Variants in ATP2A1 observed in about 807,000 individuals in gnomAD.
ATP2A1 encodes the protein ATPase sarcoplasmic/endoplasmic reticulum Ca2+ transporting 1, also known as sarcoplasmic/endoplasmic reticulum calcium ATPase 1.
Under a neutral mutation model 109.5 loss-of-function variants are expected in ATP2A1, and 83 were observed. The ratio of observed to expected loss-of-function variants is 0.76; its 90% CI spans 0.63 to 0.91. ATP2A1 has a LOEUF of 0.91. Ranked by LOEUF, ATP2A1 falls within the 40% of genes least tolerant of loss-of-function variation. ATP2A1 has a pLI of 0.00. For synonymous variants in ATP2A1, 505 were observed against 537.6 expected (o/e 0.94, Z 0.84); for missense variants, 1,101 against 1,341.0 (o/e 0.82, Z 2.80).
intron 3 of ATP2A1, 99 bp downstream of exon 3, chr16:28,879,682 G>A (rs879300947): frequency 1.5e-4 from 201 of 1,363,236 alleles, no homozygotes; most frequent in Non-Finnish European, 1.9e-4. Flanking sequence ...TCCGAGTCCC[G>A]AGCATCCCAT....
chr16:28,898,396 C>A lies in ATP2A1; in HGVS notation c.1709C>A (p.Pro570His). The change falls in exon 14 of 23, where the codon CCC (proline) becomes CAC (histidine). Residue 570 changes from proline to histidine, a missense_variant. By Grantham distance (77) the Pro-to-His change is moderately conservative. Coordinates refer to ENST00000395503, the MANE Select transcript of ATP2A1 (RefSeq NM_004320.6). The surrounding 1 kb of genome is among the most constrained non-coding windows in gnomAD (Gnocchi z 4.0). ...TTGGCCCTGGCCACCCGGGACACCC[C>A]CCCGAAGCGAGAGGAAATGGTCCTG... ...RCLALATRDTPPKREEMVLDD... is the reference protein window; with the variant it reads ...RCLALATRDTHPKREEMVLDD... The A allele has an allele frequency of 6.2e-7, 1 of 1,614,194 alleles. No homozygotes were observed. The highest frequency in any genetic ancestry group is 8.5e-7 in the Non-Finnish European group (1 of 1,180,040).
At chr16:28,894,430 C>T in intron 10 of ATP2A1, 75 bp from the exon 11 acceptor site, 5 of 1,448,366 alleles carry the variant, frequency 3.5e-6, no homozygotes, top group Non-Finnish European at 4.8e-6. Context: ...CCTGCTCTTC[C>T]TGTGCCCTCT....
chr16:28,898,686 T>C lies in ATP2A1; in HGVS notation c.1764+235T>C, dbSNP rs1484874732. On this transcript the variant is annotated intron_variant, in intron 14 of 22. Transcript: ENST00000395503. The surrounding 1 kb of genome is among the most constrained non-coding windows in gnomAD (Gnocchi z 4.0). ...TGGGAAGCTGAGATGGGAAAAGCGC[T>C]TGAGCCCAGGAGTTCAAGACCAGCC... Among the ~76,000 whole-genome samples the C allele has an allele frequency of 6.6e-6, 1 of 152,030 alleles. No homozygotes were observed. Among genetic ancestry groups the C allele is most frequent in the Non-Finnish European group, 1.5e-5 (1 of 68,010 alleles).
Position 28,903,033 on chromosome 16 carries a change from G to A in ATP2A1, c.2748G>A (p.Leu916=), listed in dbSNP as rs750480672. 4.3e-6 allele frequency: 7 copies of A among 1,613,652 alleles called. No homozygotes were observed. The East Asian group carries it at 1.6e-4, about 36-fold the overall frequency. Reference sequence around the variant, plus strand: ...TCCCTCCCCTTCCCCTCTGCAGCCTGTCCGAGAACCAGTCCCTGCTGCGGA... The same window carrying A: ...TCCCTCCCCTTCCCCTCTGCAGCCTATCCGAGAACCAGTCCCTGCTGCGGA... ...TIEMCNALNS[L]SENQSLLRMP... is the part of the protein sequence containing the mutation. The change falls in exon 20 of 23, where the codon CTG becomes CTA. Residue 916 remains leucine, a synonymous_variant. Transcript: ENST00000395503. This position sits in a 1 kb window ranked among gnomAD's most constrained non-coding sequence, Gnocchi z 5.6.
chr16:28,899,303 A>G (rs1375579029), intron 14 of ATP2A1, among the ~76,000 whole-genome samples: 1 of 152,214 alleles, frequency 6.6e-6, no homozygotes, highest in Non-Finnish European at 1.5e-5. Flanking sequence ...CACTGCCAAA[A>G]GCAGAAAGCA....
chr16:28,879,986 T>G, intron 3 of ATP2A1: 69 of 611,602 alleles, frequency 1.1e-4, no homozygotes, highest in Middle Eastern at 7.9e-4. Context: ...TCGGCGCCCC[T>G]GCCCCGCCCT....
chr16:28,878,866 G>C, intron 1 of ATP2A1, 77 bp downstream of exon 1: 1 of 1,487,030 alleles, frequency 6.7e-7, no homozygotes, highest in Non-Finnish European at 9.4e-7. Flanking sequence ...GCATGCACGC[G>C]TTTCTCCCTT....
intron 3 of ATP2A1, chr16:28,879,898 G>A (rs1483198502): frequency 5.4e-6 from 4 of 736,568 alleles, no homozygotes; most frequent in Non-Finnish European, 7.0e-6. Context: ...CCGCCGCGAT[G>A]CCGGCTGCGG....
chr16:28,904,112 A>G, intron 22 of ATP2A1, 68 bp from the exon 23 acceptor site: 1 of 1,403,420 alleles, frequency 7.1e-7, no homozygotes, highest in African/African-American at 1.4e-5. Flanking sequence ...CGTGCCTGGG[A>G]GATGCACCTG....
Position 28,898,114 on chromosome 16 carries a change from A to T in ATP2A1, c.1534A>T (p.Met512Leu). Reference sequence around the variant, plus strand: ...TTCCCGGGCTGCTGTGGGCAACAAGATGTTTGTCAAGGTCAGAAATCGGAA... The same window carrying T: ...TTCCCGGGCTGCTGTGGGCAACAAGTTGTTTGTCAAGGTCAGAAATCGGAA... ...KSSRAAVGNK[M>L]FVKGAPEGVI... is the part of the protein sequence containing the mutation. The change falls in exon 13 of 23, where the codon ATG (methionine) becomes TTG (leucine). Residue 512 changes from methionine (M) to leucine (L), a missense_variant. Coordinates refer to ENST00000395503, the MANE Select transcript of ATP2A1 (RefSeq NM_004320.6). This position sits in a 1 kb window ranked among gnomAD's most constrained non-coding sequence, Gnocchi z 4.0. 1.2e-6 allele frequency: 2 copies of T among 1,614,090 alleles called. No homozygotes were observed. Among genetic ancestry groups the T allele is most frequent in the Non-Finnish European group, 1.7e-6 (2 of 1,180,010 alleles).
chr16:28,901,825 T>C (rs931225317), intron 15 of ATP2A1, 38 bp from the exon 16 acceptor site: 2 of 1,552,176 alleles, frequency 1.3e-6, no homozygotes, highest in Admixed American at 1.7e-5. Flanking sequence ...GAGGGATGTG[T>C]GAAGGTGCCC....
chr16:28,887,343 C>T (rs933888174), intron 7 of ATP2A1, 69 bp downstream of exon 7: 6 of 1,611,566 alleles, frequency 3.7e-6, no homozygotes, highest in South Asian at 1.1e-5. Flanking sequence ...AGAAACATGG[C>T]GTGTGAGAAG....
chr16:28,894,061 G>A, intron 9 of ATP2A1, 94 bp from the exon 10 acceptor site: 2 of 1,019,372 alleles, frequency 2.0e-6, no homozygotes, highest in South Asian at 1.3e-5. Flanking sequence ...TGGTGGGAAG[G>A]TAGGTGTTGG....
At chr16:28,893,662 T>G (rs867843757) in intron 9 of ATP2A1, among the ~76,000 whole-genome samples, 1,672 of 150,522 alleles carry the variant, frequency 0.011, 28 homozygotes, top group African/African-American at 0.038. Flanking sequence ...TTTGTTTTTT[T>G]TTTTTTTTTT....
intron 5 of ATP2A1, among the ~76,000 whole-genome samples, chr16:28,882,872 C>T (rs1214274567): frequency 2.0e-5 from 3 of 152,216 alleles, no homozygotes; most frequent in East Asian, 3.9e-4. Flanking sequence ...AGGTGGAACC[C>T]GGTCCCTGCC....
At position 28,887,470 on chromosome 16, in the gene ATP2A1, A is replaced by G; in HGVS notation, c.676A>G (p.Thr226Ala). The G allele has an allele frequency of 6.2e-7, 1 of 1,613,856 alleles. No individual in the cohort carries two copies. Among genetic ancestry groups the G allele is most frequent in the Non-Finnish European group, 8.5e-7 (1 of 1,179,928 alleles). The change falls in exon 8 of 23, where the codon ACT (threonine) becomes GCT (alanine). Residue 226 changes from threonine to alanine, a missense_variant. Physicochemically the swap from Thr to Ala is moderately conservative, Grantham distance 58. Transcript: ENST00000395503. ...CAAGGCCTTGGGCATCGTGGCCACCACTGGTGTGGGCACCGAGATTGGGAA... is the reference window on the plus strand; with the variant it reads ...CAAGGCCTTGGGCATCGTGGCCACCGCTGGTGTGGGCACCGAGATTGGGAA... Reference protein sequence around the residue: ...AGKALGIVATTGVGTEIGKIR... With the variant: ...AGKALGIVATAGVGTEIGKIR...
intron 12 of ATP2A1, among the ~76,000 whole-genome samples, chr16:28,896,481 C>T (rs1052510569): frequency 6.6e-6 from 1 of 151,790 alleles, no homozygotes; most frequent in African/African-American, 2.4e-5. Flanking sequence ...GGGGCCATCT[C>T]GGCTCACTGC....
Position 28,879,652 on chromosome 16 carries a change from G to C in ATP2A1, c.219+69G>C, listed in dbSNP as rs1596660059. ...CTGGGATCGGGCGAATGCGGGGCTC[G>C]CAGTCACTGGATCCTCCCGTCCGAG... On this transcript the variant is annotated intron_variant, in intron 3 of 22. Coordinates refer to ENST00000395503, the MANE Select transcript of ATP2A1 (RefSeq NM_004320.6). 3 of 1,500,160 alleles carry C rather than the reference G, an allele frequency of 2.0e-6. No individual in the cohort carries two copies. In the Admixed American group the frequency reaches 5.5e-5, roughly 27 times the overall value. 92.9% of individuals were successfully genotyped at this position (1,500,160 alleles called of 1,614,324 possible). A position where few individuals can be genotyped will look rare whatever the true frequency, so the allele number is the denominator to read the frequency against.
In ATP2A1 at chr16:28,902,407, G is replaced by T. The variant is rs1964105580; in HGVS notation, c.2524+21G>T. The T allele has an allele frequency of 6.2e-7, 1 of 1,612,702 alleles. No individual in the cohort carries two copies. Among genetic ancestry groups the T allele is most frequent in the Non-Finnish European group, 8.5e-7 (1 of 1,179,204 alleles). ...CGGGGGTGAGCTGGAGGGGTTCCTC[G>T]ATCCTCCCCACCCCTTGGGACTAAC... On this transcript the variant is annotated intron_variant, in intron 17 of 22. Coordinates refer to ENST00000395503, the MANE Select transcript of ATP2A1 (RefSeq NM_004320.6). This position sits in a 1 kb window ranked among gnomAD's most constrained non-coding sequence, Gnocchi z 4.8.
Sources: gnomAD v4.1 joint callset for allele counts (sites outside exome capture counted in the v4.1 genomes callset) on GRCh38, gnomAD v4.1.1 for gene constraint, Gnocchi (gnomAD v3.1) non-coding constraint, MANE v1.5 for transcripts, NCBI Gene and HGNC (gene_info 2026-07-23, HGNC 2026-07-21) for gene names.